TENM3: variants seen among roughly 807,000 people sequenced by gnomAD.
TENM3 encodes teneurin-3.
A neutral mutation model predicts 255.1 loss-of-function variants in TENM3; 63 were observed. The observed-to-expected ratio is 0.25, with a 90% CI of 0.20 to 0.30. The LOEUF is 0.30. Ranked by LOEUF, TENM3 falls within the 10% of genes least tolerant of loss-of-function variation. TENM3 has a pLI of 1.00. For synonymous variants in TENM3, 1,306 were observed against 1,322.3 expected, an observed-to-expected ratio of 0.99 and a Z score of 0.27; for missense variants, 2,929 against 3,461.1, an observed-to-expected ratio of 0.85 and a Z score of 3.86.
At chr4:181,793,700 A>C in the TENM3 span, among the ~76,000 whole-genome samples, 2 of 152,208 alleles carry the variant, frequency 1.3e-5, no homozygotes, top group African/African-American at 4.8e-5. Flanking sequence ...AATTTAAATC[A>C]GGAGTCTTGA....
chr4:182,532,688 A>G (rs913553912), intron 3 of TENM3, among the ~76,000 whole-genome samples: 1 of 152,322 alleles, frequency 6.6e-6, no homozygotes, highest in Admixed American at 6.5e-5. Flanking sequence ...TACCCAAGTG[A>G]CCAGAAAGAG....
At position 182,681,959 on chromosome 4, in the gene TENM3, A is replaced by G. The variant is rs951655096; in HGVS notation, c.1980A>G (p.Gln660=). ...DQCSGHGTYL[Q]ESGSCTCDPN... Reference sequence around the variant, plus strand: ...GCTCCGGCCACGGAACGTATCTTCAAGAAAGTGGCTCCTGCACGTGTGACC... The same window carrying G: ...GCTCCGGCCACGGAACGTATCTTCAGGAAAGTGGCTCCTGCACGTGTGACC... Residue 660 remains glutamine (Q), a synonymous_variant, in exon 11 of 28, where the codon CAA becomes CAG. Coordinates refer to ENST00000511685, the MANE Select transcript of TENM3 (RefSeq NM_001080477.4). 1.2e-6 allele frequency: 2 copies of G among 1,613,994 alleles called. No homozygotes were observed. Among genetic ancestry groups the G allele is most frequent in the Admixed American group, 1.7e-5 (1 of 60,024 alleles).
chr4:182,295,380 G>C (rs1285881018), intron 1 of TENM3, among the ~76,000 whole-genome samples: 1 of 143,184 alleles, frequency 7.0e-6, no homozygotes, highest in African/African-American at 2.6e-5. Flanking sequence ...TGATTCTCTT[G>C]CCTCAGCCTC....
At chr4:182,581,104 G>T (rs770503422) in intron 3 of TENM3, among the ~76,000 whole-genome samples, 9 of 152,072 alleles carry the variant, frequency 5.9e-5, no homozygotes, top group Non-Finnish European at 1.3e-4. Context: ...TAGAACATGT[G>T]TAAGGTTAAA....
chr4:182,620,684 A>G (rs1750037571), intron 4 of TENM3, among the ~76,000 whole-genome samples: 1 of 152,220 alleles, frequency 6.6e-6, no homozygotes, highest in Non-Finnish European at 1.5e-5. Context: ...CTTACATACT[A>G]GAAAGTGATC....
the TENM3 span, among the ~76,000 whole-genome samples, chr4:181,539,576 CATT>C: frequency 6.6e-6 from 1 of 152,124 alleles, no homozygotes; most frequent in Admixed American, 6.5e-5. Flanking sequence ...TTTTTGTTGT[CATT>C]ATTCATTTGA....
At chr4:181,516,955 A>G in the TENM3 span, among the ~76,000 whole-genome samples, 1 of 152,096 alleles carries the variant, frequency 6.6e-6, no homozygotes, top group Non-Finnish European at 1.5e-5. Flanking sequence ...TAGGGATTCC[A>G]ATCTCTGCAG....
At chr4:182,399,406 G>T (rs1246887506) in intron 3 of TENM3, among the ~76,000 whole-genome samples, 1 of 152,144 alleles carries the variant, frequency 6.6e-6, no homozygotes, top group Admixed American at 6.6e-5. Flanking sequence ...AGCAGAAGCT[G>T]CTAGCAGTGG....
the TENM3 span, among the ~76,000 whole-genome samples, chr4:181,919,423 T>C: frequency 1.4e-5 from 2 of 144,706 alleles, no homozygotes; most frequent in African/African-American, 5.5e-5. Flanking sequence ...GGGAAGAAAA[T>C]ATTAGAAAAA....
At chr4:182,459,587 A>G (rs1394447915) in intron 3 of TENM3, among the ~76,000 whole-genome samples, 1 of 152,198 alleles carries the variant, frequency 6.6e-6, no homozygotes, top group Non-Finnish European at 1.5e-5. Flanking sequence ...TCTTTAAAGT[A>G]TATTTAAATT....
the TENM3 span, among the ~76,000 whole-genome samples, chr4:181,633,111 C>T: frequency 1.3e-5 from 2 of 152,194 alleles, no homozygotes; most frequent in South Asian, 2.1e-4. Flanking sequence ...AATCCACTTA[C>T]ACCATACGGA....
chr4:181,946,804 G>A, the TENM3 span, among the ~76,000 whole-genome samples: 2 of 152,186 alleles, frequency 1.3e-5, no homozygotes, highest in Non-Finnish European at 2.9e-5. Context: ...AAACTCAGAA[G>A]GCAGTGGGTA....
the TENM3 span, among the ~76,000 whole-genome samples, chr4:181,529,184 G>A: frequency 2.0e-5 from 3 of 152,168 alleles, no homozygotes; most frequent in African/African-American, 7.2e-5. Context: ...AGCTGTTAGT[G>A]CAGTGGAGCT....
rs189176853 is a variant in TENM3, at chr4:182,367,496, G to T, written c.511+20567G>T. On this transcript the variant is annotated intron_variant, in intron 3 of 27. Coordinates refer to ENST00000511685, the MANE Select transcript of TENM3 (RefSeq NM_001080477.4). ...GAATTGATGAGTCAAGATCCACTAC[G>T]AAATAAGAAGGCGTCACATCGTGAA... Among the ~76,000 whole-genome samples, 115 of 152,250 alleles carry T rather than the reference G, an allele frequency of 7.6e-4. No individual in the cohort carries two copies. In the Middle Eastern group the frequency reaches 0.01, roughly 14 times the overall value.
At chr4:182,029,874 A>G in the TENM3 span, among the ~76,000 whole-genome samples, 2 of 143,762 alleles carry the variant, frequency 1.4e-5, no homozygotes, top group African/African-American at 3.0e-5. Context: ...ATCATTCACA[A>G]TATCCAACAA....
At chr4:182,136,416 G>C in the TENM3 span, among the ~76,000 whole-genome samples, 1 of 152,066 alleles carries the variant, frequency 6.6e-6, no homozygotes, top group Non-Finnish European at 1.5e-5. Context: ...GTGTATAGAT[G>C]TTGTCTGGGT....
At chr4:182,632,457 C>G (rs941807603) in intron 5 of TENM3, among the ~76,000 whole-genome samples, 1 of 152,124 alleles carries the variant, frequency 6.6e-6, no homozygotes, top group Admixed American at 6.6e-5. Flanking sequence ...ATATTTTTAA[C>G]TTTTGCCAAT....
intron 17 of TENM3, 100 bp downstream of exon 17, chr4:182,737,175 A>T: frequency 8.0e-7 from 1 of 1,247,668 alleles, no homozygotes; most frequent in Admixed American, 2.1e-5. Context: ...TAAACAGAAT[A>T]TAAAGAGAAT....
At chr4:181,705,610 A>G in the TENM3 span, among the ~76,000 whole-genome samples, 1 of 152,322 alleles carries the variant, frequency 6.6e-6, no homozygotes, top group South Asian at 2.1e-4. Context: ...TTAAATCTAT[A>G]CATTTCTTTA....
Sources: allele counts gnomAD v4.1 joint callset (sites outside exome capture counted in the v4.1 genomes callset), GRCh38; gene constraint gnomAD v4.1.1; transcripts MANE v1.5; gene names NCBI Gene and HGNC (gene_info 2026-07-23, HGNC 2026-07-21).